LHPP: variants seen among roughly 807,000 people sequenced by gnomAD.
LHPP encodes the protein phospholysine phosphohistidine inorganic pyrophosphate phosphatase.
In LHPP, 24 loss-of-function variants were observed where a neutral mutation model predicts 30.3. The ratio of observed to expected loss-of-function variants is 0.79; its 90% CI spans 0.57 to 1.11. The LOEUF is 1.11. Among genes scored for constraint, LHPP ranks in the 50% most tolerant of loss-of-function variants. The pLI, the probability that LHPP is intolerant of heterozygous loss-of-function variation, is 0.00. For synonymous variants in LHPP, 150 were observed against 157.1 expected, an observed-to-expected ratio of 0.95 and a Z score of 0.34; for missense variants, 356 against 367.2, an observed-to-expected ratio of 0.97 and a Z score of 0.25.
rs950454704 is a variant in LHPP at position 124,592,710 on chromosome 10, C to T, written c.717-20554C>T. On this transcript the variant is annotated intron_variant, in intron 6 of 6. Transcript: ENST00000368842. This position sits in a 1 kb window ranked among gnomAD's most constrained non-coding sequence, Gnocchi z 6.2. Reference sequence around the variant, plus strand: ...ACTTGGTTTGTGGCTTCCCAGTAAACGGTGGGACAGGACCAGGGTCTGAGG... The same window carrying T: ...ACTTGGTTTGTGGCTTCCCAGTAAATGGTGGGACAGGACCAGGGTCTGAGG... 1.7e-4 allele frequency among the ~76,000 whole-genome samples: 26 copies of T among 152,318 alleles called. No homozygotes were observed. The highest frequency in any genetic ancestry group is 9.1e-4 in the Admixed American group (14 of 15,306).
chr10:124,471,954 G>A (rs12415195), intron 1 of LHPP, among the ~76,000 whole-genome samples: 22,998 of 151,236 alleles, frequency 0.15, 1,970 homozygotes, highest in Non-Finnish European at 0.19. Flanking sequence ...TATGTTTTCT[G>A]TGTTCAAATT....
intron 6 of LHPP, among the ~76,000 whole-genome samples, chr10:124,538,030 C>T (rs984458283): frequency 3.9e-5 from 6 of 152,352 alleles, no homozygotes; most frequent in Admixed American, 1.3e-4. Flanking sequence ...AGGCCCCCTT[C>T]CCTGAGCCTC....
At chr10:124,607,464 G>T (rs942816848) in intron 6 of LHPP, among the ~76,000 whole-genome samples, 1 of 152,250 alleles carries the variant, frequency 6.6e-6, no homozygotes, top group Non-Finnish European at 1.5e-5. Context: ...TCTTTTAGTG[G>T]ATTCTTGAAT....
intron 6 of LHPP, among the ~76,000 whole-genome samples, chr10:124,520,945 C>T (rs1454197856): frequency 3.3e-5 from 5 of 152,196 alleles, no homozygotes; most frequent in African/African-American, 1.2e-4. Context: ...GCTGATATTT[C>T]GTGTTAATTT....
intron 6 of LHPP, among the ~76,000 whole-genome samples, chr10:124,605,843 G>A (rs1355642220): frequency 6.6e-6 from 1 of 151,926 alleles, no homozygotes; most frequent in Non-Finnish European, 1.5e-5. Flanking sequence ...AGAGCCAGTG[G>A]AGGGGGAGGG....
intron 6 of LHPP, chr10:124,526,231 G>T: frequency 1.0e-6 from 1 of 985,394 alleles, no homozygotes. Flanking sequence ...TCCCTGAAGC[G>T]CGTTCCCCAG....
At chr10:124,498,855 C>A in intron 5 of LHPP, 1 of 303,516 alleles carries the variant, frequency 3.3e-6, no homozygotes, top group South Asian at 2.4e-5. Flanking sequence ...GCTGGGACTA[C>A]AGGTATATGC....
intron 6 of LHPP, among the ~76,000 whole-genome samples, chr10:124,566,616 T>C (rs897281): frequency 0.85 from 129,069 of 152,148 alleles, 54,920 homozygotes; most frequent in East Asian, 0.99. Context: ...CCAGCACCCC[T>C]ACCCCATCCC....
chr10:124,535,525 A>G (rs914915329), intron 6 of LHPP, among the ~76,000 whole-genome samples: 2 of 152,194 alleles, frequency 1.3e-5, no homozygotes, highest in South Asian at 2.1e-4. Flanking sequence ...CCTCCCAAGT[A>G]GCCGGGACTA....
At chr10:124,569,142 G>T (rs903354327) in intron 6 of LHPP, among the ~76,000 whole-genome samples, 2 of 152,202 alleles carry the variant, frequency 1.3e-5, no homozygotes, top group Admixed American at 1.3e-4. Context: ...ATTCCTGCGG[G>T]TAAGGCCCGG....
At chr10:124,511,569 C>G (rs1042928843) in intron 5 of LHPP, among the ~76,000 whole-genome samples, 8 of 152,342 alleles carry the variant, frequency 5.3e-5, no homozygotes, top group African/African-American at 1.7e-4. Flanking sequence ...TCCGAGCTCT[C>G]TCTCAGCACC....
At chr10:124,609,201 G>C (rs1460550079) in intron 6 of LHPP, among the ~76,000 whole-genome samples, 1 of 152,236 alleles carries the variant, frequency 6.6e-6, no homozygotes, top group African/African-American at 2.4e-5. Context: ...GCCGCAGGTA[G>C]GATTTGGCCC....
intron 6 of LHPP, among the ~76,000 whole-genome samples, chr10:124,567,753 AC>A (rs1211437075): frequency 2.0e-5 from 3 of 152,200 alleles, no homozygotes; most frequent in African/African-American, 7.2e-5. Flanking sequence ...TCATGTACTT[AC>A]ACATGTGCAC....
At chr10:124,467,574 G>C (rs1423975830) in intron 1 of LHPP, among the ~76,000 whole-genome samples, 1 of 149,744 alleles carries the variant, frequency 6.7e-6, no homozygotes, top group Non-Finnish European at 1.5e-5. Flanking sequence ...CTGGAGTGCA[G>C]TGACACAATC....
At chr10:124,606,001 C>A (rs1403788236) in intron 6 of LHPP, among the ~76,000 whole-genome samples, 2 of 152,204 alleles carry the variant, frequency 1.3e-5, no homozygotes, top group Admixed American at 1.3e-4. Context: ...CCTCCGAAAC[C>A]CGGGCAGCAG....
intron 6 of LHPP, among the ~76,000 whole-genome samples, chr10:124,546,658 C>T (rs1415556580): frequency 1.3e-5 from 2 of 152,028 alleles, no homozygotes; most frequent in Non-Finnish European, 2.9e-5. Flanking sequence ...GATCCGCCCG[C>T]CTCAGCCTCC....
chr10:124,592,323 CCTCA>C lies in LHPP; in HGVS notation c.717-20935_717-20932del, dbSNP rs1948890375. 6.6e-6 allele frequency among the ~76,000 whole-genome samples: 1 copy of C among 152,136 alleles called. No homozygotes were observed. Among genetic ancestry groups the C allele is most frequent in the Non-Finnish European group, 1.5e-5 (1 of 68,030 alleles). ...ACCCCAAAGAGGGAAGTCCCATCACCCTCACTCACCCAGCCCCGGGCTGGCCCTG... is the reference window on the plus strand; with the variant it reads ...ACCCCAAAGAGGGAAGTCCCATCACCCTCACCCAGCCCCGGGCTGGCCCTG... On this transcript the variant is annotated intron_variant, in intron 6 of 6. Transcript: ENST00000368842. The surrounding 1 kb of genome is among the most constrained non-coding windows in gnomAD (Gnocchi z 6.2).
chr10:124,610,776 C>T lies in LHPP; in HGVS notation c.717-2488C>T, dbSNP rs1338770583. On this transcript the variant is annotated intron_variant, in intron 6 of 6. Transcript: ENST00000368842. ...GCGGGTGAGGGTGCGGGTGAGGGTG[C>T]TGATGGAGCGGGTGAGGGTGCGGGT... Among the ~76,000 whole-genome samples the T allele has an allele frequency of 1.2e-3, 94 of 75,778 alleles. 1 individual carries two copies. The highest frequency in any genetic ancestry group is 1.5e-3 in the Non-Finnish European group (59 of 38,202). The allele number at this position is 75,778 out of a possible 152,430, so 49.7% of individuals were successfully genotyped here. A position where few individuals can be genotyped will look rare whatever the true frequency, so the allele number is the denominator to read the frequency against.
intron 1 of LHPP, among the ~76,000 whole-genome samples, chr10:124,480,142 A>G (rs572313000): frequency 3.9e-5 from 6 of 152,284 alleles, no homozygotes; most frequent in African/African-American, 1.4e-4. Flanking sequence ...TCAGTAATTT[A>G]AAATAAGGAA....
Sources: gnomAD v4.1 joint callset for allele counts (sites outside exome capture counted in the v4.1 genomes callset) on GRCh38, gnomAD v4.1.1 for gene constraint, Gnocchi (gnomAD v3.1) non-coding constraint, MANE v1.5 for transcripts, NCBI Gene and HGNC (gene_info 2026-07-23, HGNC 2026-07-21) for gene names.